The following CNPPD1 variants were observed in gnomAD, a reference collection of about 807,000 sequenced individuals.
CNPPD1 encodes the protein cyclin Pas1/PHO80 domain containing 1.
In CNPPD1, 40 loss-of-function variants were observed where a neutral mutation model predicts 43.7. The ratio of observed to expected loss-of-function variants is 0.92; its 90% confidence interval spans 0.71 to 1.19. The LOEUF (loss-of-function observed/expected upper bound fraction) is 1.19, where lower values mean the gene tolerates loss of function less well. CNPPD1 is among the 50% of genes most tolerant of loss of function. The pLI is 0.00. For missense variants in CNPPD1, 511 were observed against 518.5 expected, an observed-to-expected ratio of 0.99 and a Z score of 0.14; for synonymous variants, 208 against 214.3, an observed-to-expected ratio of 0.97 and a Z score of 0.26.
rs764978098 is a variant in CNPPD1, at chr2:219,176,351, G to A, written c.70-20C>T. On this transcript the variant is annotated intron_variant, in intron 1 of 7. Transcript: ENST00000360507. ...GAGGAACTGAAACAGGGCAGGGGCA[G>A]CGGAGGGTGAAGGGCACGGAAAGGT... is the stretch of plus-strand genomic sequence containing the variant. The A allele has an allele frequency of 2.4e-5, 38 of 1,566,202 alleles. No individual in the cohort carries two copies. The highest frequency in any genetic ancestry group is 5.0e-5 in the Admixed American group (3 of 59,904).
At chr2:219,176,970 T>C (rs1950180532), upstream of CNPPD1, 1 of 639,394 alleles carries the variant, frequency 1.6e-6, no homozygotes, top group East Asian at 3.3e-5. Context: ...CCCTCGCAGC[T>C]CCCTCCCCCC....
chr2:219,174,498 T>G (rs1950126376), intron 5 of CNPPD1, among the ~76,000 whole-genome samples: 1 of 152,126 alleles, frequency 6.6e-6, no homozygotes, highest in Non-Finnish European at 1.5e-5. Flanking sequence ...ACACAAATAT[T>G]CAGAACCCAA....
chr2:219,176,401 T>C, intron 1 of CNPPD1, 70 bp from the exon 2 acceptor site: 1 of 1,239,528 alleles, frequency 8.1e-7, no homozygotes, highest in Non-Finnish European at 1.2e-6. Context: ...GGCTCTGGGC[T>C]GGAAGGCGGG....
intron 1 of CNPPD1, 109 bp downstream of exon 1, chr2:219,176,650 TC>T: frequency 2.3e-6 from 2 of 876,554 alleles, no homozygotes; most frequent in South Asian, 1.6e-5. Flanking sequence ...GAAGCACTGC[TC>T]GAGCAGCTGC....
chr2:219,174,227 A>G lies in CNPPD1; in HGVS notation c.511-20T>C, dbSNP rs761495029. 7 of 1,613,404 alleles carry G rather than the reference A, an allele frequency of 4.3e-6. No homozygotes were observed. The East Asian group carries it at 1.6e-4, about 36-fold the overall frequency. Reference sequence around the variant, plus strand: ...CCAATCCTGTGAGTACGGAGAGTGGACATCAAACCAGACTTGGATGAGCCA... The same window carrying G: ...CCAATCCTGTGAGTACGGAGAGTGGGCATCAAACCAGACTTGGATGAGCCA... On this transcript the variant is annotated intron_variant, in intron 5 of 7. Transcript: ENST00000360507.
intron 3 of CNPPD1, 42 bp downstream of exon 3, chr2:219,175,549 A>C: frequency 1.9e-5 from 28 of 1,448,248 alleles, no homozygotes; most frequent in Non-Finnish European, 2.3e-5. Context: ...CCCTTTCTCT[A>C]GGGCCCAAAC....
At chr2:219,176,507 G>A in intron 1 of CNPPD1, 176 bp from the exon 2 acceptor site, 4 of 625,376 alleles carry the variant, frequency 6.4e-6, no homozygotes, top group Non-Finnish European at 5.6e-6. Context: ...GTCCATAGAG[G>A]GAGGAATGCC....
rs945180689 is a variant in CNPPD1, at chr2:219,172,286, A to C, written c.*300T>G. ...CTTCCATCCTAGGGAAATCAAAAGTAAAAGTCTAAAAAATCCCAGGGAGGC... is the reference window on the plus strand; with the variant it reads ...CTTCCATCCTAGGGAAATCAAAAGTCAAAGTCTAAAAAATCCCAGGGAGGC... On this transcript the variant is annotated 3_prime_UTR_variant, in exon 8 of 8. Coordinates refer to ENST00000360507, the MANE Select transcript of CNPPD1 (RefSeq NM_015680.6). The C allele has an allele frequency of 4.4e-6, 2 of 456,548 alleles. No homozygotes were observed. The highest frequency in any genetic ancestry group is 2.0e-5 in the African/African-American group (1 of 50,282). 28.3% of individuals were successfully genotyped at this position (456,548 alleles called of 1,614,324 possible).
chr2:219,172,645 A>G lies in CNPPD1; in HGVS notation c.1174T>C (p.Cys392Arg), dbSNP rs754520584. The change falls in exon 8 of 8, where the codon TGT becomes CGT. Residue 392 changes from cysteine (C) to arginine (R), a missense_variant. Coordinates refer to ENST00000360507, the MANE Select transcript of CNPPD1 (RefSeq NM_015680.6). Reference sequence around the variant, plus strand: ...AGCTCCATGACACTGAAAAGGGAACATTGCTGAGGCTGAGGAAGTGAAAGG... The same window carrying G: ...AGCTCCATGACACTGAAAAGGGAACGTTGCTGAGGCTGAGGAAGTGAAAGG... ...VLLSLPQPQQCSLFSVMELAR... is the reference protein window; with the variant it reads ...VLLSLPQPQQRSLFSVMELAR... 9 of 1,614,172 alleles carry G rather than the reference A, an allele frequency of 5.6e-6. 1 individual carries two copies. The South Asian group carries it at 8.8e-5, about 16-fold the overall frequency.
rs1406631450 is a variant in CNPPD1 at position 219,172,618 on chromosome 2, C to G, written c.1201G>C (p.Ala401Pro). ...GGGAAAACGAAAGACTTGAGGCGAG[C>G]CAGCTCCATGACACTGAAAAGGGAA... Reference protein sequence around the residue: ...QCSLFSVMELARLKSFVFPG With the variant: ...QCSLFSVMELPRLKSFVFPG Residue 401 changes from alanine to proline, a missense_variant, in exon 8 of 8, where the codon GCT becomes CCT. Coordinates refer to ENST00000360507, the MANE Select transcript of CNPPD1 (RefSeq NM_015680.6). The G allele has an allele frequency of 1.2e-6, 2 of 1,614,176 alleles. No individual in the cohort carries two copies. Among genetic ancestry groups the G allele is most frequent in the Non-Finnish European group, 1.7e-6 (2 of 1,180,036 alleles).
At chr2:219,177,538 A>G (rs890577693), upstream of CNPPD1, among the ~76,000 whole-genome samples, 9 of 152,076 alleles carry the variant, frequency 5.9e-5, no homozygotes, top group South Asian at 2.1e-4. Context: ...AAAGGAAGAG[A>G]AACTCAGGGT....
chr2:219,174,973 G>A lies in CNPPD1; in HGVS notation c.381+15C>T, dbSNP rs1412417798. 1 of 1,614,050 alleles carries A rather than the reference G, an allele frequency of 6.2e-7. No homozygotes were observed. Among genetic ancestry groups the A allele is most frequent in the Non-Finnish European group, 8.5e-7 (1 of 1,180,048 alleles). On this transcript the variant is annotated intron_variant, in intron 4 of 7. Transcript: ENST00000360507. The stretch of plus-strand genomic sequence containing the variant: ...GCTCTTGGCTCTTTAGGGAGATGGG[G>A]AGGGGGTGTCTTACCATGGAGATCA...
At position 219,172,888 on chromosome 2, in the gene CNPPD1, T is replaced by G; in HGVS notation, c.931A>C (p.Ser311Arg). ...GSMGLRSLWG[S>R]LLASLTPPPL... is the part of the protein sequence containing the mutation. ...GGAGGAGTCAGTGAGGCCAGAAGACTGCCCCAGAGTGACCGCAGCCCCATG... is the reference window on the plus strand; with the variant it reads ...GGAGGAGTCAGTGAGGCCAGAAGACGGCCCCAGAGTGACCGCAGCCCCATG... The change falls in exon 8 of 8, where the codon AGT (serine) becomes CGT (arginine). Residue 311 changes from serine to arginine, a missense_variant. Ser to Arg is a moderately radical substitution (Grantham distance 110). Coordinates refer to ENST00000360507, the MANE Select transcript of CNPPD1 (RefSeq NM_015680.6). 1 of 1,603,146 alleles carries G rather than the reference T, an allele frequency of 6.2e-7. No individual in the cohort carries two copies. The highest frequency in any genetic ancestry group is 8.5e-7 in the Non-Finnish European group (1 of 1,174,038).
At chr2:219,174,059 T>A in intron 6 of CNPPD1, 87 bp downstream of exon 6, 1 of 1,284,396 alleles carries the variant, frequency 7.8e-7, no homozygotes, top group Non-Finnish European at 1.1e-6. Flanking sequence ...CCTCCCCCAG[T>A]TACACAGACT....
chr2:219,174,852 C>G lies in CNPPD1; in HGVS notation c.436G>C (p.Asp146His). The G allele has an allele frequency of 6.2e-7, 1 of 1,614,184 alleles. No individual in the cohort carries two copies. Among genetic ancestry groups the G allele is most frequent in the Non-Finnish European group, 8.5e-7 (1 of 1,180,028 alleles). The change falls in exon 5 of 8, where the codon GAC (aspartate) becomes CAC (histidine). Residue 146 changes from aspartate (D) to histidine (H), a missense_variant. Physicochemically the swap from Asp to His is moderately conservative, Grantham distance 81. Transcript: ENST00000360507. ...ACACCCCCAGCAGCTCCCCATTCGT[C>G]GTTGAAGACCTCCTCCTCCTCCCCT... Reference protein sequence around the residue: ...DEGEEEEVFNDEWGAAGGVAV... With the variant: ...DEGEEEEVFNHEWGAAGGVAV...
chr2:219,176,681 A>T, intron 1 of CNPPD1, 79 bp downstream of exon 1: 1 of 1,108,254 alleles, frequency 9.0e-7, no homozygotes, highest in Non-Finnish European at 1.3e-6. Flanking sequence ...CCGGCACAGC[A>T]GTCAGGCGAG....
At chr2:219,173,962 C>T (rs552539261) in intron 6 of CNPPD1, among the ~76,000 whole-genome samples, 184 bp downstream of exon 6, 1 of 152,182 alleles carries the variant, frequency 6.6e-6, no homozygotes, top group African/African-American at 2.4e-5. Flanking sequence ...TTTAAATAAG[C>T]TGCTTCTCAC....
In CNPPD1 at chr2:219,176,673, G is replaced by C. The variant is rs111991009; in HGVS notation, c.69+87C>G. The C allele has an allele frequency of 1.9e-4, 206 of 1,066,078 alleles. No homozygotes were observed. In the African/African-American group the frequency reaches 2.9e-3, roughly 15 times the overall value. 66.0% of individuals were successfully genotyped at this position (1,066,078 alleles called of 1,614,324 possible). On this transcript the variant is annotated intron_variant, in intron 1 of 7. Transcript: ENST00000360507. ...GCTCGAGCAGCTGCCGCCCAGTCCC[G>C]GCACAGCAGTCAGGCGAGCTCGCAG... is the stretch of plus-strand genomic sequence containing the variant.
rs200627956 is a variant in CNPPD1 at position 219,173,133 on chromosome 2, A to G, written c.691-5T>C. 162 of 1,561,780 alleles carry G rather than the reference A, an allele frequency of 1.0e-4. 1 individual carries two copies. In the Admixed American group the frequency reaches 3.0e-3, roughly 29 times the overall value. On this transcript the variant is annotated splice_region_variant and splice_polypyrimidine_tract_variant and intron_variant, in intron 7 of 7. Transcript: ENST00000360507. ...CACAGCTAACAGGCAAGACAGCTGCAGGAGAGGAGATAAGAAAGAAGGAAT... is the reference window on the plus strand; with the variant it reads ...CACAGCTAACAGGCAAGACAGCTGCGGGAGAGGAGATAAGAAAGAAGGAAT...
Sources: allele counts gnomAD v4.1 joint callset (sites outside exome capture counted in the v4.1 genomes callset), GRCh38; gene constraint gnomAD v4.1.1; transcripts MANE v1.5; gene names NCBI Gene and HGNC (gene_info 2026-07-23, HGNC 2026-07-21).